APBA1: variants seen among roughly 807,000 people sequenced by gnomAD.
APBA1 encodes amyloid-beta A4 precursor protein-binding family A member 1.
Under a neutral mutation model 86.6 loss-of-function variants are expected in APBA1, and 55 were observed. That is an observed-to-expected ratio of 0.64 (90% CI 0.51 to 0.80). The LOEUF is 0.80. Among genes scored for constraint, APBA1 ranks in the 30% least tolerant of loss-of-function variants. The pLI is 0.00. For missense variants in APBA1, 1,090 were observed against 1,183.0 expected (o/e 0.92, Z 1.15); for synonymous variants, 511 against 493.9 (o/e 1.03, Z -0.46).
chr9:69,513,438 C>G (rs1836084857), intron 2 of APBA1, among the ~76,000 whole-genome samples: 1 of 152,220 alleles, frequency 6.6e-6, no homozygotes, highest in African/African-American at 2.4e-5. Context: ...GCTTTTTCCT[C>G]TGGTGGCTTT....
intron 1 of APBA1, among the ~76,000 whole-genome samples, chr9:69,547,105 A>G (rs1329478726): frequency 6.6e-6 from 1 of 152,258 alleles, no homozygotes; most frequent in African/African-American, 2.4e-5. Flanking sequence ...CGGAGTACAG[A>G]GACCAGTGAG....
In APBA1 at chr9:69,596,574, C is replaced by T. The variant is rs141873977; in HGVS notation, c.-70+75579G>A. 6.7e-4 allele frequency among the ~76,000 whole-genome samples: 102 copies of T among 152,350 alleles called. No homozygotes were observed. The East Asian group carries it at 0.013, about 19-fold the overall frequency. On this transcript the variant is annotated intron_variant, in intron 1 of 12. Transcript: ENST00000265381. ...ATCCAAGCTGGAGCTGCAGCCATCA[C>T]ACCCATGTTCCGAGCATGTTATTAA...
chr9:69,669,409 A>G (rs571132730), intron 1 of APBA1, among the ~76,000 whole-genome samples: 2 of 152,198 alleles, frequency 1.3e-5, no homozygotes, highest in Non-Finnish European at 2.9e-5. Context: ...AGGCTCAATA[A>G]TGGAAGAGAA....
intron 1 of APBA1, among the ~76,000 whole-genome samples, chr9:69,607,105 G>A (rs1356507265): frequency 6.6e-6 from 1 of 152,150 alleles, no homozygotes; most frequent in African/African-American, 2.4e-5. Flanking sequence ...TCTTTGGGTT[G>A]AAAGAAGAGA....
chr9:69,455,929 G>T (rs1835088111), intron 8 of APBA1, among the ~76,000 whole-genome samples: 1 of 152,096 alleles, frequency 6.6e-6, no homozygotes, highest in Non-Finnish European at 1.5e-5. Flanking sequence ...CTCAAGTGAG[G>T]GCTTTGTTGA....
chr9:69,583,031 A>G (rs1233176257), intron 1 of APBA1, among the ~76,000 whole-genome samples: 1 of 152,200 alleles, frequency 6.6e-6, no homozygotes, highest in Non-Finnish European at 1.5e-5. Flanking sequence ...GAGCTAAGGA[A>G]TCTGGTATGG....
chr9:69,474,102 T>C (rs1005935807), intron 3 of APBA1, among the ~76,000 whole-genome samples: 7 of 152,224 alleles, frequency 4.6e-5, no homozygotes, highest in Admixed American at 4.6e-4. Flanking sequence ...TAAATAAAGT[T>C]GCATTTAAAA....
intron 1 of APBA1, among the ~76,000 whole-genome samples, chr9:69,618,861 C>A (rs547599607): frequency 4.6e-5 from 7 of 152,188 alleles, no homozygotes; most frequent in South Asian, 2.1e-4. Flanking sequence ...GGATTTACAT[C>A]GTAACCCTGC....
chr9:69,455,424 A>C (rs1835079718), intron 8 of APBA1, among the ~76,000 whole-genome samples: 1 of 152,108 alleles, frequency 6.6e-6, no homozygotes, highest in East Asian at 1.9e-4. Flanking sequence ...GGAGCAGCTT[A>C]GTTCAGGCTG....
intron 12 of APBA1, among the ~76,000 whole-genome samples, chr9:69,432,018 A>C (rs564267546): frequency 6.7e-6 from 1 of 148,826 alleles, no homozygotes; most frequent in South Asian, 2.1e-4. Flanking sequence ...GCAGTGATGA[A>C]TGACAGCAGT....
At chr9:69,492,093 T>C (rs889952156) in intron 2 of APBA1, among the ~76,000 whole-genome samples, 2 of 152,144 alleles carry the variant, frequency 1.3e-5, no homozygotes, top group African/African-American at 2.4e-5. Flanking sequence ...AATTTTATAT[T>C]GTGGCCTAAC....
At chr9:69,582,512 G>A (rs1380567366) in intron 1 of APBA1, among the ~76,000 whole-genome samples, 1 of 152,142 alleles carries the variant, frequency 6.6e-6, no homozygotes, top group East Asian at 1.9e-4. Flanking sequence ...TCTTTCCTCT[G>A]GCTCAATATT....
At chr9:69,577,711 A>C (rs773787703) in intron 1 of APBA1, among the ~76,000 whole-genome samples, 10 of 152,232 alleles carry the variant, frequency 6.6e-5, no homozygotes, top group Admixed American at 2.0e-4. Flanking sequence ...ACAATGAAAA[A>C]TAAATACATA....
At chr9:69,588,903 T>G (rs1468997185) in intron 1 of APBA1, among the ~76,000 whole-genome samples, 1 of 152,222 alleles carries the variant, frequency 6.6e-6, no homozygotes, top group African/African-American at 2.4e-5. Context: ...TTATATAGCA[T>G]GAGACCTTGC....
chr9:69,433,917 TCCTCCTGCCTCAC>T (rs572620824), intron 11 of APBA1, among the ~76,000 whole-genome samples: 142 of 151,518 alleles, frequency 9.4e-4, no homozygotes, highest in African/African-American at 3.2e-3. Context: ...GTTCAGGTGA[TCCTCCTGCCTCAC>T]CCTCCTGAGT....
intron 1 of APBA1, among the ~76,000 whole-genome samples, chr9:69,518,356 T>C (rs1836200658): frequency 1.3e-5 from 2 of 152,184 alleles, no homozygotes; most frequent in African/African-American, 4.8e-5. Context: ...AAGGGAGGAC[T>C]ATATTCACTT....
chr9:69,575,802 G>T (rs905332907), intron 1 of APBA1, among the ~76,000 whole-genome samples: 1 of 152,144 alleles, frequency 6.6e-6, no homozygotes, highest in Non-Finnish European at 1.5e-5. Flanking sequence ...CATGGGCAAG[G>T]ACTTCATGTC....
At chr9:69,663,625 C>T (rs910934107) in intron 1 of APBA1, among the ~76,000 whole-genome samples, 6 of 152,058 alleles carry the variant, frequency 3.9e-5, no homozygotes, top group African/African-American at 7.2e-5. Flanking sequence ...AGAAACATAA[C>T]GATTACATTA....
intron 1 of APBA1, among the ~76,000 whole-genome samples, chr9:69,561,306 G>A (rs1265060846): frequency 1.3e-5 from 2 of 152,198 alleles, no homozygotes; most frequent in Admixed American, 1.3e-4. Context: ...GATGGTGCAA[G>A]CATTTTAATT....
Sources: gnomAD v4.1 joint callset for allele counts (sites outside exome capture counted in the v4.1 genomes callset) on GRCh38, gnomAD v4.1.1 for gene constraint, MANE v1.5 for transcripts, NCBI Gene and HGNC (gene_info 2026-07-23, HGNC 2026-07-21) for gene names.